The following GNG4 variants were observed in gnomAD, a reference collection of about 807,000 sequenced individuals.
GNG4 encodes the protein guanine nucleotide-binding protein G(I)/G(S)/G(O) subunit gamma-4.
A neutral mutation model predicts 5.8 loss-of-function variants in GNG4; 4 were observed. That is an observed-to-expected ratio of 0.69 (90% confidence interval 0.34 to 1.57). The LOEUF (loss-of-function observed/expected upper bound fraction) is 1.57, where lower values mean the gene tolerates loss of function less well. GNG4 is among the 40% of genes most tolerant of loss of function. The pLI is 0.06. For missense variants in GNG4, 96 were observed against 95.1 expected (o/e 1.01, Z -0.04); for synonymous variants, 29 against 32.9 (o/e 0.88, Z 0.41).
chr1:235,551,847 C>A lies in GNG4; in HGVS notation c.*262G>T. 3.6e-6 allele frequency: 1 copy of A among 274,590 alleles called. No individual in the cohort carries two copies. The highest frequency in any genetic ancestry group is 7.0e-6 in the Non-Finnish European group (1 of 142,688). The allele number at this position is 274,590 out of a possible 1,614,324, so 17.0% of individuals were successfully genotyped here. On this transcript the variant is annotated 3_prime_UTR_variant, in exon 4 of 4. Coordinates refer to ENST00000391854, the MANE Select transcript of GNG4 (RefSeq NM_001098722.2). ...AAAATTTTAAACTCTTAAGTCCAGA[C>A]TTACTTTTACATGGCACATTTGTTA...
At chr1:235,576,366 A>G (rs1389941752) in intron 3 of GNG4, among the ~76,000 whole-genome samples, 2 of 152,058 alleles carry the variant, frequency 1.3e-5, no homozygotes, top group Non-Finnish European at 2.9e-5. Context: ...CCAACCATAT[A>G]TGTACTTTTC....
At chr1:235,598,756 C>A (rs1185506557) in intron 1 of GNG4, among the ~76,000 whole-genome samples, 1 of 149,070 alleles carries the variant, frequency 6.7e-6, no homozygotes, top group African/African-American at 2.5e-5. Context: ...GAGACAGGCT[C>A]ACTCTGTTGC....
intron 2 of GNG4, among the ~76,000 whole-genome samples, chr1:235,591,510 C>T (rs1309985018): frequency 6.6e-6 from 1 of 152,172 alleles, no homozygotes; most frequent in African/African-American, 2.4e-5. Flanking sequence ...GGCCAGGTAC[C>T]CTTTAGGCTC....
intron 1 of GNG4, among the ~76,000 whole-genome samples, chr1:235,604,915 C>T (rs1001265068): frequency 4.6e-5 from 7 of 152,110 alleles, no homozygotes; most frequent in Non-Finnish European, 7.3e-5. Context: ...AATTGTATGG[C>T]GTTTCATGGC....
intron 1 of GNG4, among the ~76,000 whole-genome samples, chr1:235,622,653 G>A (rs879428631): frequency 2.0e-5 from 3 of 151,972 alleles, no homozygotes; most frequent in Non-Finnish European, 4.4e-5. Context: ...GAGGTCAGCA[G>A]TTCGATCACC....
intron 1 of GNG4, among the ~76,000 whole-genome samples, chr1:235,596,194 A>AACAG (rs1688118296): frequency 7.9e-6 from 1 of 126,176 alleles, no homozygotes; most frequent in Non-Finnish European, 1.6e-5. Context: ...ACAAAACAAA[A>AACAG]ACAAACAAAC....
chr1:235,591,835 C>T (rs1446447301), intron 2 of GNG4, among the ~76,000 whole-genome samples: 2 of 152,236 alleles, frequency 1.3e-5, no homozygotes, highest in Non-Finnish European at 2.9e-5. Context: ...GGAATGTGCT[C>T]ATGCACATAG....
chr1:235,584,325 A>C (rs1300396907), intron 2 of GNG4, among the ~76,000 whole-genome samples: 1 of 152,238 alleles, frequency 6.6e-6, no homozygotes, highest in African/African-American at 2.4e-5. Context: ...CAAAGATCCT[A>C]CAGCCAACAT....
At chr1:235,619,894 A>G (rs546877028) in intron 1 of GNG4, among the ~76,000 whole-genome samples, 1 of 152,344 alleles carries the variant, frequency 6.6e-6, no homozygotes, top group East Asian at 1.9e-4. Context: ...GTTTTGGAGA[A>G]GAAAGTACTA....
At chr1:235,595,946 G>T (rs999813555) in intron 1 of GNG4, among the ~76,000 whole-genome samples, 2 of 151,920 alleles carry the variant, frequency 1.3e-5, no homozygotes, top group Non-Finnish European at 1.5e-5. Context: ...AGGCCGAGGC[G>T]GGCGGATCAC....
At chr1:235,574,710 A>C (rs1687431955) in intron 3 of GNG4, among the ~76,000 whole-genome samples, 1 of 151,714 alleles carries the variant, frequency 6.6e-6, no homozygotes, top group South Asian at 2.1e-4. Flanking sequence ...TTAAGCACCA[A>C]ATTATACCCT....
At chr1:235,569,260 A>G (rs1202353269) in intron 3 of GNG4, among the ~76,000 whole-genome samples, 1 of 152,134 alleles carries the variant, frequency 6.6e-6, no homozygotes, top group Non-Finnish European at 1.5e-5. Flanking sequence ...CTGTAATCCT[A>G]GCACTCTGGG....
At chr1:235,604,489 G>A (rs1406497440) in intron 1 of GNG4, among the ~76,000 whole-genome samples, 1 of 152,134 alleles carries the variant, frequency 6.6e-6, no homozygotes, top group Admixed American at 6.5e-5. Flanking sequence ...CCCTCTGAAG[G>A]CCCCAGGAGA....
At chr1:235,616,428 A>T in intron 1 of GNG4, 1 of 295,420 alleles carries the variant, frequency 3.4e-6, no homozygotes, top group South Asian at 3.5e-5. Context: ...TGGGATGGGA[A>T]GTCAGGCCCT....
intron 1 of GNG4, among the ~76,000 whole-genome samples, chr1:235,623,873 A>G (rs1688757422): frequency 6.6e-6 from 1 of 152,218 alleles, no homozygotes; most frequent in Non-Finnish European, 1.5e-5. Context: ...AGCTGAGGGA[A>G]GAATGATTAT....
intron 1 of GNG4, among the ~76,000 whole-genome samples, chr1:235,623,550 A>G (rs1432226235): frequency 6.6e-6 from 1 of 152,044 alleles, no homozygotes; most frequent in Non-Finnish European, 1.5e-5. Context: ...TCTGCAGGAG[A>G]GACGGGCTGT....
chr1:235,615,791 A>T (rs556109731), intron 1 of GNG4: 44 of 260,282 alleles, frequency 1.7e-4, no homozygotes, highest in African/African-American at 9.5e-4. Flanking sequence ...GACCTGGACC[A>T]CATGAGCCCT....
At chr1:235,612,013 G>A (rs1688486560) in intron 1 of GNG4, among the ~76,000 whole-genome samples, 2 of 138,636 alleles carry the variant, frequency 1.4e-5, no homozygotes, top group African/African-American at 2.7e-5. Flanking sequence ...ACAATGAGCT[G>A]AGATTGTGCC....
At position 235,552,067 on chromosome 1, in the gene GNG4, C is replaced by T; in HGVS notation, c.*42G>A. 6 of 1,602,026 alleles carry T rather than the reference C, an allele frequency of 3.7e-6. No individual in the cohort carries two copies. The highest frequency in any genetic ancestry group is 5.1e-6 in the Non-Finnish European group (6 of 1,170,004). On this transcript the variant is annotated 3_prime_UTR_variant, in exon 4 of 4. Coordinates refer to ENST00000391854, the MANE Select transcript of GNG4 (RefSeq NM_001098722.2). ...GAGCATGCATGGTCTCTACAGGGGA[C>T]TTTGAAGGTCAGAAAAGGAGGCGTT...
Sources: gnomAD v4.1 joint callset for allele counts (sites outside exome capture counted in the v4.1 genomes callset) on GRCh38, gnomAD v4.1.1 for gene constraint, MANE v1.5 for transcripts, NCBI Gene and HGNC (gene_info 2026-07-23, HGNC 2026-07-21) for gene names.